FAM228B: variants seen among roughly 807,000 people sequenced by gnomAD.
FAM228B encodes protein FAM228B.
In FAM228B, 38 loss-of-function variants were observed where a neutral mutation model predicts 42.6. The observed-to-expected ratio is 0.89, with a 90% CI of 0.69 to 1.17. The LOEUF (loss-of-function observed/expected upper bound fraction) is 1.17. FAM228B is among the 50% of genes most tolerant of loss of function. FAM228B has a pLI of 0.00. For synonymous variants in FAM228B, 109 were observed against 122.3 expected (o/e 0.89, Z 0.72); for missense variants, 344 against 367.3 (o/e 0.94, Z 0.52).
intron 3 of FAM228B, among the ~76,000 whole-genome samples, chr2:24,100,297 A>C (rs1217541144): frequency 6.6e-6 from 1 of 152,260 alleles, no homozygotes; most frequent in Non-Finnish European, 1.5e-5. Context: ...GAGCTTCTGC[A>C]TGGCAAAAGA....
At chr2:24,108,218 C>T (rs964745092) in intron 3 of FAM228B, among the ~76,000 whole-genome samples, 1 of 152,066 alleles carries the variant, frequency 6.6e-6, no homozygotes, top group South Asian at 2.1e-4. Flanking sequence ...TAAGACTGAA[C>T]CAGGAATAAA....
intron 5 of FAM228B, among the ~76,000 whole-genome samples, chr2:24,140,625 G>A (rs540832225): frequency 5.3e-4 from 80 of 151,942 alleles, no homozygotes; most frequent in Non-Finnish European, 9.9e-4. Context: ...ACAATACCTT[G>A]TTATTAACTA....
intron 2 of FAM228B, among the ~76,000 whole-genome samples, chr2:24,127,953 G>T (rs564359928): frequency 6.6e-6 from 1 of 151,804 alleles, no homozygotes; most frequent in South Asian, 2.1e-4. Context: ...ATGAGTCACT[G>T]TGCCTGGCCT....
At position 24,124,370 on chromosome 2, in the gene FAM228B, T is replaced by C; in HGVS notation, c.9T>C (p.Asn3=). Residue 3 remains asparagine, a synonymous_variant, in exon 2 of 11, where the codon AAT becomes AAC. Transcript: ENST00000615575. ...TGTTATTTGTGACCACAATGAAAAA[T>C]GTAGACAGTGATGATCTGGTAACTG... is the stretch of plus-strand genomic sequence containing the variant. The part of the protein sequence containing the change: MK[N]VDSDDLVTGT... 1 of 1,548,516 alleles carries C rather than the reference T, an allele frequency of 6.5e-7. No individual in the cohort carries two copies.
chr2:24,089,221 T>C (rs1665331507), intron 2 of FAM228B, among the ~76,000 whole-genome samples: 2 of 152,126 alleles, frequency 1.3e-5, no homozygotes. Flanking sequence ...TGGTGGTGGT[T>C]GCCTGTAGTC....
Position 24,080,894 on chromosome 2 carries a change from C to T in FAM228B, c.-271C>T, listed in dbSNP as rs768629595. 1.1e-5 allele frequency: 18 copies of T among 1,614,212 alleles called. No homozygotes were observed. The highest frequency in any genetic ancestry group is 3.3e-4 in the Middle Eastern group (2 of 6,062). ...AATCCAGCAGCTGCTCCAAGCTTTT[C>T]TGCCATTTGAAGCTTCTTCTGGGAG... On this transcript the variant is annotated 5_prime_UTR_variant, in exon 2 of 11. Coordinates refer to the FAM228B transcript ENST00000613899. This position sits in a 1 kb window ranked among gnomAD's most constrained non-coding sequence, Gnocchi z 4.7.
rs1666550532 is a variant in FAM228B at position 24,135,153 on chromosome 2, A to G, written c.134A>G (p.Gln45Arg). ...LAKEDTEAAI[Q>R]SILYKENSVI... ...AAAGAAGATACTGAGGCAGCTATTC[A>G]ATCAATATTATACAAAGAAAATTCT... Residue 45 changes from glutamine to arginine, a missense_variant, in exon 3 of 11, where the codon CAA (glutamine) becomes CGA (arginine). Coordinates refer to ENST00000615575, the MANE Select transcript of FAM228B (RefSeq NM_001145710.2). 1.3e-6 allele frequency: 2 copies of G among 1,509,886 alleles called. No individual in the cohort carries two copies. Among genetic ancestry groups the G allele is most frequent in the East Asian group, 4.9e-5 (2 of 40,566 alleles). The allele number at this position is 1,509,886 out of a possible 1,614,324, so 93.5% of individuals were successfully genotyped here.
intron 2 of FAM228B, chr2:24,085,917 T>A (rs1471164026): frequency 1.3e-5 from 2 of 152,034 alleles, no homozygotes; most frequent in African/African-American, 4.8e-5. Flanking sequence ...TAAGGAAAAA[T>A]TCAGGAGACC....
intron 7 of FAM228B, among the ~76,000 whole-genome samples, chr2:24,155,544 T>A (rs1488729614): frequency 7.9e-6 from 1 of 126,612 alleles, no homozygotes; most frequent in African/African-American, 3.1e-5. Flanking sequence ...TTTTTTTTTT[T>A]TTTTTTTTTT....
chr2:24,152,872 T>C (rs2151026374), intron 7 of FAM228B, among the ~76,000 whole-genome samples: 1 of 152,278 alleles, frequency 6.6e-6, no homozygotes. Context: ...TGATGGTCTT[T>C]TCTACTGCAG....
At chr2:24,088,681 G>T (rs140751821) in intron 2 of FAM228B, among the ~76,000 whole-genome samples, 1 of 152,300 alleles carries the variant, frequency 6.6e-6, no homozygotes, top group Non-Finnish European at 1.5e-5. Flanking sequence ...ACTAGTAAAC[G>T]TAAGTGTTTC....
At chr2:24,112,724 A>C (rs1665818530) in intron 3 of FAM228B, among the ~76,000 whole-genome samples, 1 of 152,164 alleles carries the variant, frequency 6.6e-6, no homozygotes, top group Non-Finnish European at 1.5e-5. Flanking sequence ...ACCCCACAGC[A>C]CTGCTTGATG....
chr2:24,078,621 A>G (rs1263775109), intron 1 of FAM228B, among the ~76,000 whole-genome samples: 1 of 152,186 alleles, frequency 6.6e-6, no homozygotes, highest in African/African-American at 2.4e-5. Context: ...TTGTACCTCC[A>G]AATGTGTAAC....
chr2:24,080,926 G>C lies in FAM228B; in HGVS notation c.-239G>C. Reference sequence around the variant, plus strand: ...TTGAAGCTTCTTCTGGGAGCCAGCTGTGACCAGAGGAATAGCTCCAGCCAT... The same window carrying C: ...TTGAAGCTTCTTCTGGGAGCCAGCTCTGACCAGAGGAATAGCTCCAGCCAT... On this transcript the variant is annotated 5_prime_UTR_variant, in exon 2 of 11. Coordinates refer to the FAM228B transcript ENST00000613899. The surrounding 1 kb of genome is among the most constrained non-coding windows in gnomAD (Gnocchi z 4.7). 3 of 1,614,234 alleles carry C rather than the reference G, an allele frequency of 1.9e-6. No individual in the cohort carries two copies. The highest frequency in any genetic ancestry group is 2.5e-6 in the Non-Finnish European group (3 of 1,180,052).
At chr2:24,139,305 C>A in intron 4 of FAM228B, 65 bp from the exon 5 acceptor site, 1 of 936,868 alleles carries the variant, frequency 1.1e-6, no homozygotes. Flanking sequence ...CTCTCAAGTC[C>A]TGATATGCTC....
chr2:24,150,907 G>A (rs142900676), intron 7 of FAM228B, among the ~76,000 whole-genome samples: 2 of 152,260 alleles, frequency 1.3e-5, no homozygotes, highest in East Asian at 1.9e-4. Flanking sequence ...CCTAGAGGTA[G>A]TCTTCTTTGG....
At chr2:24,127,546 G>A (rs950490402) in intron 2 of FAM228B, among the ~76,000 whole-genome samples, 1 of 152,088 alleles carries the variant, frequency 6.6e-6, no homozygotes, top group Non-Finnish European at 1.5e-5. Context: ...CAGTGATACC[G>A]TTTTAAATTT....
At chr2:24,101,894 G>A (rs538413793) in intron 3 of FAM228B, among the ~76,000 whole-genome samples, 2 of 152,086 alleles carry the variant, frequency 1.3e-5, no homozygotes, top group Non-Finnish European at 2.9e-5. Context: ...GTGTTAGCCA[G>A]GATGGTCTCT....
intron 2 of FAM228B, among the ~76,000 whole-genome samples, chr2:24,086,124 A>AT (rs1176333890): frequency 6.6e-6 from 1 of 150,752 alleles, no homozygotes; most frequent in East Asian, 2.0e-4. Context: ...AGTCCCAGCT[A>AT]TTCGGGAGGC....
Sources: gnomAD v4.1 joint callset for allele counts (sites outside exome capture counted in the v4.1 genomes callset) on GRCh38, gnomAD v4.1.1 for gene constraint, Gnocchi (gnomAD v3.1) non-coding constraint, MANE v1.5 for transcripts, NCBI Gene and HGNC (gene_info 2026-07-23, HGNC 2026-07-21) for gene names.